The following TRAPPC9 variants were observed in gnomAD, a reference collection of about 807,000 sequenced individuals.
The protein encoded by TRAPPC9 is IKK2 binding protein.
A neutral mutation model predicts 124.0 loss-of-function variants in TRAPPC9; 83 were observed. The ratio of observed to expected loss-of-function variants is 0.67; its 90% CI spans 0.56 to 0.80. The LOEUF is 0.80. TRAPPC9 is among the 30% of genes least tolerant of loss of function. The pLI is 0.00. For synonymous variants in TRAPPC9, 638 were observed against 617.5 expected, an observed-to-expected ratio of 1.03 and a Z score of -0.49; for missense variants, 1,302 against 1,508.3, an observed-to-expected ratio of 0.86 and a Z score of 2.27.
chr8:140,132,750 C>A (rs2061229955), intron 17 of TRAPPC9, among the ~76,000 whole-genome samples: 1 of 151,726 alleles, frequency 6.6e-6, no homozygotes, highest in African/African-American at 2.4e-5. Flanking sequence ...GGGAAAGGTG[C>A]AAGTGGGAGG....
Position 139,916,041 on chromosome 8 carries a change from C to T in TRAPPC9, c.2811-5741G>A, listed in dbSNP as rs528272298. On this transcript the variant is annotated intron_variant, in intron 19 of 22. Transcript: ENST00000438773. ...CCAGGCCCACACAAATCTTCCAAGG[C>T]AGGACTTCAGGGGAGCTTATATTTA... Among the ~76,000 whole-genome samples, 5 of 152,308 alleles carry T rather than the reference C, an allele frequency of 3.3e-5. No individual in the cohort carries two copies. In the East Asian group the frequency reaches 9.6e-4, roughly 29 times the overall value.
At chr8:140,340,342 C>T (rs1353420003) in intron 9 of TRAPPC9, among the ~76,000 whole-genome samples, 1 of 152,244 alleles carries the variant, frequency 6.6e-6, no homozygotes, top group African/African-American at 2.4e-5. Context: ...ATAATACCCA[C>T]TGAAAGCCTA....
intron 19 of TRAPPC9, among the ~76,000 whole-genome samples, chr8:139,980,648 C>T (rs886476812): frequency 1.3e-5 from 2 of 152,258 alleles, no homozygotes; most frequent in Admixed American, 6.5e-5. Context: ...TCGATTCCTA[C>T]TTTATGAAGA....
chr8:139,749,190 C>T (rs1819149150), intron 21 of TRAPPC9, among the ~76,000 whole-genome samples: 1 of 152,124 alleles, frequency 6.6e-6, no homozygotes, highest in South Asian at 2.1e-4. Context: ...CAAAGCTGGG[C>T]TCCTGCAGCA....
rs1040666233 is a variant in TRAPPC9 at position 140,272,030 on chromosome 8, G to A, written c.2278+3628C>T. 4.6e-5 allele frequency among the ~76,000 whole-genome samples: 7 copies of A among 151,366 alleles called. 1 individual carries two copies. In the South Asian group the frequency reaches 1.5e-3, roughly 32 times the overall value. On this transcript the variant is annotated intron_variant, in intron 15 of 22. Transcript: ENST00000438773. The stretch of plus-strand genomic sequence containing the variant: ...GGTGGTGACGGGTGATGGTGGCAGT[G>A]GTAATGGTGGTGGTTGTGGTGGTTA...
intron 16 of TRAPPC9, among the ~76,000 whole-genome samples, chr8:140,247,896 C>T (rs6981937): frequency 0.063 from 9,599 of 152,266 alleles, 545 homozygotes; most frequent in African/African-American, 0.15. Context: ...TCCATCTCAT[C>T]TCTGAGTTTT....
chr8:140,090,081 AAAC>A (rs1323274375), intron 17 of TRAPPC9, among the ~76,000 whole-genome samples: 7 of 152,084 alleles, frequency 4.6e-5, no homozygotes, highest in South Asian at 2.1e-4. Context: ...TCTGTCTCAA[AAAC>A]AACAACAACA....
intron 21 of TRAPPC9, among the ~76,000 whole-genome samples, chr8:139,846,836 C>T (rs1047420654): frequency 1.1e-4 from 16 of 152,160 alleles, no homozygotes; most frequent in Non-Finnish European, 1.8e-4. Context: ...GGTGAGCAGG[C>T]GCAGGTAGTA....
At chr8:140,448,101 G>A (rs963927281) in intron 2 of TRAPPC9, among the ~76,000 whole-genome samples, 1 of 140,762 alleles carries the variant, frequency 7.1e-6, no homozygotes, top group South Asian at 2.2e-4. Context: ...AGCCGAGACT[G>A]CACCACCACA....
chr8:140,039,257 C>T lies in TRAPPC9; in HGVS notation c.2557-15178G>A, dbSNP rs1841111306. On this transcript the variant is annotated intron_variant, in intron 17 of 22. Transcript: ENST00000438773. ...GGACTATAAACGTGAAGTTCATTTA[C>T]TCAAATGGTAGAGATGCAATTATGG... is the stretch of plus-strand genomic sequence containing the variant. 1.3e-5 allele frequency among the ~76,000 whole-genome samples: 2 copies of T among 152,204 alleles called. 1 individual carries two copies. The highest frequency in any genetic ancestry group is 4.1e-4 in the South Asian group (2 of 4,830).
intron 17 of TRAPPC9, among the ~76,000 whole-genome samples, chr8:140,092,267 G>A (rs572702677): frequency 4.1e-5 from 6 of 146,842 alleles, no homozygotes; most frequent in Admixed American, 6.9e-5. Context: ...GCGCAATCTC[G>A]GCTCACTGCA....
At chr8:139,876,311 A>G (rs1551805) in intron 21 of TRAPPC9, among the ~76,000 whole-genome samples, 121,988 of 152,166 alleles carry the variant, frequency 0.8, 49,205 homozygotes, top group East Asian at 1. Flanking sequence ...GGTGCTGTTC[A>G]GATGGAAGCA....
chr8:139,895,260 G>C (rs540505052), intron 20 of TRAPPC9, among the ~76,000 whole-genome samples: 33 of 152,258 alleles, frequency 2.2e-4, no homozygotes, highest in Middle Eastern at 3.4e-3. Context: ...CCCGCTTTGC[G>C]GTAATATTCT....
At chr8:139,824,267 C>T (rs896527170) in intron 21 of TRAPPC9, among the ~76,000 whole-genome samples, 3 of 152,176 alleles carry the variant, frequency 2.0e-5, no homozygotes, top group African/African-American at 4.8e-5. Context: ...ATCTGCAAAA[C>T]GGATGAGGTG....
chr8:140,277,603 T>C (rs1431505615), intron 14 of TRAPPC9, among the ~76,000 whole-genome samples: 1 of 152,268 alleles, frequency 6.6e-6, no homozygotes, highest in Non-Finnish European at 1.5e-5. Flanking sequence ...ACACAGGCCC[T>C]GACGGTCCCA....
chr8:140,282,226 G>A (rs1457335437), intron 14 of TRAPPC9, among the ~76,000 whole-genome samples: 1 of 152,190 alleles, frequency 6.6e-6, no homozygotes, highest in African/African-American at 2.4e-5. Flanking sequence ...GAACAGGCTG[G>A]ATGTGGTAGC....
intron 16 of TRAPPC9, 109 bp from the exon 17 acceptor site, chr8:140,221,692 C>T (rs754382694): frequency 6.0e-5 from 85 of 1,421,698 alleles, no homozygotes; most frequent in Non-Finnish European, 7.6e-5. Flanking sequence ...AGCTGGAGTG[C>T]AGTGGTGCAA....
intron 11 of TRAPPC9, among the ~76,000 whole-genome samples, chr8:140,295,860 T>C (rs1243018270): frequency 6.6e-6 from 1 of 152,246 alleles, no homozygotes; most frequent in East Asian, 1.9e-4. Context: ...TTAGAAGCTA[T>C]GGGATATAAA....
intron 21 of TRAPPC9, among the ~76,000 whole-genome samples, chr8:139,876,161 G>A (rs193242518): frequency 7.9e-5 from 12 of 152,352 alleles, no homozygotes; most frequent in African/African-American, 1.4e-4. Flanking sequence ...GAAAGGGCAC[G>A]TTCTCGCTGT....
Sources: allele counts gnomAD v4.1 joint callset (sites outside exome capture counted in the v4.1 genomes callset), GRCh38; gene constraint gnomAD v4.1.1; transcripts MANE v1.5; gene names NCBI Gene and HGNC (gene_info 2026-07-23, HGNC 2026-07-21).